ZHX2: variants seen among roughly 807,000 people sequenced by gnomAD.
The protein encoded by ZHX2 is zinc fingers and homeoboxes protein 2.
ZHX2 carries 6 observed loss-of-function variants against 21.9 expected under a neutral mutation model. The observed-to-expected ratio is 0.27, with a 90% CI of 0.15 to 0.54. The LOEUF (loss-of-function observed/expected upper bound fraction) is 0.54, where lower values mean the gene tolerates loss of function less well. Among genes scored for constraint, ZHX2 ranks in the 20% least tolerant of loss-of-function variants. The pLI is 0.95. For synonymous variants in ZHX2, 434 were observed against 437.1 expected, an observed-to-expected ratio of 0.99 and a Z score of 0.09; for missense variants, 908 against 1,090.7, an observed-to-expected ratio of 0.83 and a Z score of 2.36.
intron 1 of ZHX2, among the ~76,000 whole-genome samples, chr8:122,837,291 C>T (rs1018205453): frequency 6.6e-6 from 1 of 152,166 alleles, no homozygotes; most frequent in African/African-American, 2.4e-5. Flanking sequence ...TCCAAGAACC[C>T]TCTCTTGGGA....
At chr8:122,909,464 G>A (rs1009338153) in intron 2 of ZHX2, among the ~76,000 whole-genome samples, 7 of 151,448 alleles carry the variant, frequency 4.6e-5, no homozygotes, top group Admixed American at 2.0e-4. Context: ...TGGGGCAGGC[G>A]TTAGGGGACA....
chr8:122,898,704 A>T (rs1238715004), intron 2 of ZHX2, among the ~76,000 whole-genome samples: 1 of 152,262 alleles, frequency 6.6e-6, no homozygotes, highest in Non-Finnish European at 1.5e-5. Flanking sequence ...AATTGCTCTA[A>T]GCACTTACCT....
chr8:122,826,839 T>C (rs1818275125), intron 1 of ZHX2, among the ~76,000 whole-genome samples: 1 of 152,164 alleles, frequency 6.6e-6, no homozygotes, highest in South Asian at 2.1e-4. Context: ...TTTTTACTCT[T>C]CTGTGAGAGT....
At chr8:122,831,045 C>T (rs909589377) in intron 1 of ZHX2, among the ~76,000 whole-genome samples, 2 of 152,058 alleles carry the variant, frequency 1.3e-5, no homozygotes, top group African/African-American at 4.8e-5. Flanking sequence ...CTGATGAAGG[C>T]GGGCCCGTTA....
In ZHX2 at chr8:122,958,244, A is replaced by G. The variant is rs1374413864; in HGVS notation, c.*4+4216A>G. Among the ~76,000 whole-genome samples the G allele has an allele frequency of 2.0e-5, 3 of 152,234 alleles. No individual in the cohort carries two copies. In the East Asian group the frequency reaches 5.8e-4, roughly 29 times the overall value. On this transcript the variant is annotated intron_variant, in intron 3 of 3. Coordinates refer to ENST00000314393, the MANE Select transcript of ZHX2 (RefSeq NM_014943.5). ...CCAGGCTCACCTCGGCCCTGAGGTT[A>G]GACACAAAGATAAGGAATACTTCCC...
At chr8:122,965,151 G>A (rs1019770800) in intron 3 of ZHX2, among the ~76,000 whole-genome samples, 1 of 150,096 alleles carries the variant, frequency 6.7e-6, no homozygotes, top group Non-Finnish European at 1.5e-5. Flanking sequence ...ATTTCATTTG[G>A]TTCTGCTCTA....
intron 2 of ZHX2, among the ~76,000 whole-genome samples, chr8:122,922,352 G>T (rs1254958974): frequency 6.6e-6 from 1 of 151,844 alleles, no homozygotes; most frequent in Non-Finnish European, 1.5e-5. Flanking sequence ...GAAACTGGAA[G>T]AAAAACTGTT....
intron 2 of ZHX2, among the ~76,000 whole-genome samples, chr8:122,905,397 C>T (rs1229529883): frequency 1.3e-5 from 2 of 152,256 alleles, no homozygotes; most frequent in East Asian, 1.9e-4. Context: ...TAAAAACTGT[C>T]AACCCAGAAT....
chr8:122,807,085 G>A (rs1817840187), intron 1 of ZHX2, among the ~76,000 whole-genome samples: 1 of 152,136 alleles, frequency 6.6e-6, no homozygotes, highest in Non-Finnish European at 1.5e-5. Context: ...TTGGTGAGTG[G>A]GAGCTGCTAT....
chr8:122,893,850 A>T, intron 2 of ZHX2, among the ~76,000 whole-genome samples: 1 of 152,144 alleles, frequency 6.6e-6, no homozygotes, highest in Non-Finnish European at 1.5e-5. Context: ...TTACTGGAAA[A>T]TTATTGTTTT....
At chr8:122,853,686 G>T (rs1450423515) in intron 1 of ZHX2, among the ~76,000 whole-genome samples, 1 of 151,966 alleles carries the variant, frequency 6.6e-6, no homozygotes, top group East Asian at 1.9e-4. Context: ...TCTCTGGCTG[G>T]CAATTTCCAC....
chr8:122,861,851 A>G (rs1230644995), intron 1 of ZHX2, among the ~76,000 whole-genome samples: 1 of 152,182 alleles, frequency 6.6e-6, no homozygotes, highest in East Asian at 1.9e-4. Flanking sequence ...TTTGGAGAGT[A>G]TTGTTCTTCT....
Position 122,876,560 on chromosome 8 carries a change from G to A in ZHX2, c.-220+13021G>A, listed in dbSNP as rs141281648. Among the ~76,000 whole-genome samples the A allele has an allele frequency of 5.9e-5, 9 of 152,286 alleles. No individual in the cohort carries two copies. In the East Asian group the frequency reaches 1.7e-3, roughly 29 times the overall value. Reference sequence around the variant, plus strand: ...GCCAGAAAATGCAAGTGTTCTGGAGGCTGGGAGCCAACGTGATGCCAGGCC... The same window carrying A: ...GCCAGAAAATGCAAGTGTTCTGGAGACTGGGAGCCAACGTGATGCCAGGCC... On this transcript the variant is annotated intron_variant, in intron 2 of 3. Transcript: ENST00000314393.
At chr8:122,882,491 G>A (rs1016126441) in intron 2 of ZHX2, among the ~76,000 whole-genome samples, 3 of 151,868 alleles carry the variant, frequency 2.0e-5, no homozygotes, top group Admixed American at 6.6e-5. Context: ...CCCCAAATTG[G>A]ACAATAACGA....
chr8:122,883,310 A>G (rs891626904), intron 2 of ZHX2, among the ~76,000 whole-genome samples: 1 of 152,308 alleles, frequency 6.6e-6, no homozygotes. Flanking sequence ...CACCACACTC[A>G]TAACACCTGA....
intron 2 of ZHX2, among the ~76,000 whole-genome samples, chr8:122,926,838 C>G (rs962318006): frequency 6.6e-6 from 1 of 152,162 alleles, no homozygotes; most frequent in African/African-American, 2.4e-5. Flanking sequence ...CTGCTGCTGT[C>G]ACGTGGCCTT....
At chr8:122,921,196 C>A (rs1253284509) in intron 2 of ZHX2, among the ~76,000 whole-genome samples, 1 of 152,168 alleles carries the variant, frequency 6.6e-6, no homozygotes, top group African/African-American at 2.4e-5. Flanking sequence ...ATTCTCCTGC[C>A]TCAGCCTCCT....
intron 2 of ZHX2, among the ~76,000 whole-genome samples, chr8:122,879,492 A>G (rs1586354456): frequency 6.8e-6 from 1 of 146,096 alleles, no homozygotes; most frequent in Non-Finnish European, 1.5e-5. Context: ...GGTATGAGCC[A>G]CTGCACCGGG....
intron 1 of ZHX2, among the ~76,000 whole-genome samples, chr8:122,793,934 G>T (rs538450302): frequency 1.3e-5 from 2 of 152,288 alleles, no homozygotes; most frequent in Non-Finnish European, 2.9e-5. Context: ...CCCTGAGTGT[G>T]GGCCATCTGT....
Sources: allele counts gnomAD v4.1 joint callset (sites outside exome capture counted in the v4.1 genomes callset), GRCh38; gene constraint gnomAD v4.1.1; transcripts MANE v1.5; gene names NCBI Gene and HGNC (gene_info 2026-07-23, HGNC 2026-07-21).